The following CATSPERD variants were observed in gnomAD, a reference collection of about 807,000 sequenced individuals.
CATSPERD encodes catsper channel auxiliary subunit delta.
A neutral mutation model predicts 98.1 loss-of-function variants in CATSPERD; 86 were observed. The ratio of observed to expected loss-of-function variants is 0.88; its 90% CI spans 0.74 to 1.05. The LOEUF is 1.05. CATSPERD is among the 50% of genes least tolerant of loss of function. CATSPERD has a pLI of 0.00. For missense variants in CATSPERD, 995 were observed against 1,005.7 expected (o/e 0.99, Z 0.14); for synonymous variants, 394 against 390.2 (o/e 1.01, Z -0.12).
chr19:5,731,272 G>T (rs938650530), intron 4 of CATSPERD, among the ~76,000 whole-genome samples: 1 of 151,934 alleles, frequency 6.6e-6, no homozygotes, highest in African/African-American at 2.4e-5. Flanking sequence ...TTGACCCTAG[G>T]AGTTCAGGAC....
chr19:5,771,605 CTG>C (rs1357253502), intron 19 of CATSPERD, among the ~76,000 whole-genome samples: 3 of 147,438 alleles, frequency 2.0e-5, no homozygotes, highest in African/African-American at 7.6e-5. Flanking sequence ...TTTTTCCACT[CTG>C]TCACCCAGGC....
intron 7 of CATSPERD, among the ~76,000 whole-genome samples, chr19:5,743,920 T>G (rs568552788): frequency 1.8e-4 from 27 of 152,276 alleles, no homozygotes; most frequent in Admixed American, 5.9e-4. Context: ...TCATATCATT[T>G]TCTCCAAACA....
chr19:5,758,583 A>C (rs2056372124), intron 14 of CATSPERD, among the ~76,000 whole-genome samples: 1 of 150,878 alleles, frequency 6.6e-6, no homozygotes. Flanking sequence ...CAAAAAAAAA[A>C]AAAAAAAAAA....
intron 5 of CATSPERD, among the ~76,000 whole-genome samples, chr19:5,736,914 G>A (rs1438623431): frequency 6.6e-6 from 1 of 151,618 alleles, no homozygotes; most frequent in East Asian, 1.9e-4. Flanking sequence ...AAAATTAGCC[G>A]GGCGTGGTGG....
intron 12 of CATSPERD, among the ~76,000 whole-genome samples, chr19:5,752,749 C>T (rs1049212372): frequency 3.9e-5 from 6 of 151,998 alleles, no homozygotes; most frequent in Non-Finnish European, 7.4e-5. Context: ...AAAAGGGGGC[C>T]GGGCGTGGTG....
intron 6 of CATSPERD, among the ~76,000 whole-genome samples, chr19:5,737,866 A>G (rs952902456): frequency 4.6e-5 from 7 of 150,920 alleles, no homozygotes; most frequent in Non-Finnish European, 1.0e-4. Context: ...AAAAAAAAAG[A>G]AAAAAGATAA....
At position 5,768,291 on chromosome 19, in the gene CATSPERD, G is replaced by T. The variant is rs188022444; in HGVS notation, c.1634+49G>T. 1,359 of 1,435,958 alleles carry T rather than the reference G, an allele frequency of 9.5e-4. 11 individuals carry two copies. In the African/African-American group the frequency reaches 0.016, roughly 17 times the overall value. 89.0% of individuals were successfully genotyped at this position (1,435,958 alleles called of 1,614,324 possible). A position where few individuals can be genotyped will look rare whatever the true frequency, so the allele number is the denominator to read the frequency against. ...ACCTGACACCCAAGGCGACCATTGG[G>T]CCTGCAAAAGCCAAGAGCAAATTAG... On this transcript the variant is annotated intron_variant, in intron 18 of 21. Transcript: ENST00000381624.
chr19:5,726,840 T>G (rs2055613850), intron 2 of CATSPERD, among the ~76,000 whole-genome samples: 2 of 152,254 alleles, frequency 1.3e-5, no homozygotes, highest in South Asian at 4.1e-4. Flanking sequence ...AAAATGACAT[T>G]GGTACATTCC....
rs2056742272 is a variant in CATSPERD, at chr19:5,776,333, C to T, written c.2096+18C>T. 2 of 1,611,590 alleles carry T rather than the reference C, an allele frequency of 1.2e-6. No homozygotes were observed. The highest frequency in any genetic ancestry group is 1.1e-5 in the South Asian group (1 of 90,912). On this transcript the variant is annotated intron_variant, in intron 21 of 21. Transcript: ENST00000381624. The stretch of plus-strand genomic sequence containing the variant: ...TACTACAGGTGAGTGGGCCCATCTG[C>T]CCCTACGACAGGGGACGCCTGGTGC...
chr19:5,773,310 C>T (rs1227991102), intron 20 of CATSPERD, among the ~76,000 whole-genome samples: 2 of 152,244 alleles, frequency 1.3e-5, no homozygotes, highest in East Asian at 1.9e-4. Context: ...GCAAAAGACT[C>T]GAAGGTCCTT....
At position 5,745,915 on chromosome 19, in the gene CATSPERD, C is replaced by A; in HGVS notation, c.660C>A (p.Gly220=). The A allele has an allele frequency of 3.1e-6, 5 of 1,613,940 alleles. No homozygotes were observed. Among genetic ancestry groups the A allele is most frequent in the Non-Finnish European group, 4.2e-6 (5 of 1,179,920 alleles). Residue 220 remains glycine (G), a splice_region_variant and synonymous_variant, in exon 9 of 22, where the codon GGC becomes GGA. Transcript: ENST00000381624. ...VAMLVVNQGK[G]MFKYSDHPLN... is the part of the protein sequence containing the mutation. Reference sequence around the variant, plus strand: ...TGAATGGTGTCTTTTTCTCCCAGGGCATGTTCAAGTACTCAGATCACCCCC... The same window carrying A: ...TGAATGGTGTCTTTTTCTCCCAGGGAATGTTCAAGTACTCAGATCACCCCC...
chr19:5,772,507 G>T (rs1291672754), intron 19 of CATSPERD: 2 of 364,472 alleles, frequency 5.5e-6, no homozygotes, highest in Non-Finnish European at 5.0e-6. Flanking sequence ...GATTACGGGC[G>T]TGAGCCGCCG....
chr19:5,771,228 C>T (rs2056638637), intron 19 of CATSPERD, among the ~76,000 whole-genome samples, 156 bp downstream of exon 19: 1 of 152,218 alleles, frequency 6.6e-6, no homozygotes, highest in Admixed American at 6.5e-5. Flanking sequence ...GCCCCACTGG[C>T]CCCCAGGGCC....
At chr19:5,739,301 CT>C in intron 6 of CATSPERD, 24 bp from the exon 7 acceptor site, 1 of 1,250,678 alleles carries the variant, frequency 8.0e-7, no homozygotes, top group South Asian at 1.3e-5. Flanking sequence ...TTCTTTCATT[CT>C]TTCTTTCTTT....
At chr19:5,738,376 GA>G (rs375378188) in intron 6 of CATSPERD, among the ~76,000 whole-genome samples, 1 of 145,962 alleles carries the variant, frequency 6.9e-6, no homozygotes, top group Admixed American at 6.9e-5. Flanking sequence ...AAAAAGAAAA[GA>G]AAAAAATAGC....
chr19:5,758,817 G>A (rs2056377418), intron 14 of CATSPERD, among the ~76,000 whole-genome samples: 1 of 151,500 alleles, frequency 6.6e-6, no homozygotes, highest in Non-Finnish European at 1.5e-5. Flanking sequence ...CCAGCTACTT[G>A]GGAGGATGAG....
chr19:5,741,785 C>CCGGGGGG (rs939602468), intron 7 of CATSPERD, among the ~76,000 whole-genome samples: 1 of 6,116 alleles, frequency 1.6e-4, no homozygotes, highest in Non-Finnish European at 4.8e-4. Context: ...ATGCTGAAGG[C>CCGGGGGG]GGGGGGGGGG....
chr19:5,743,938 C>T (rs980891972), intron 7 of CATSPERD, among the ~76,000 whole-genome samples: 5 of 152,102 alleles, frequency 3.3e-5, no homozygotes, highest in Non-Finnish European at 5.9e-5. Flanking sequence ...ACACCCAAAC[C>T]AAAGCTGTCT....
At chr19:5,771,209 C>G in intron 19 of CATSPERD, 137 bp downstream of exon 19, 1 of 991,340 alleles carries the variant, frequency 1.0e-6, no homozygotes, top group Non-Finnish European at 1.5e-6. Context: ...CCACCGTGCT[C>G]CTGCCCCAGC....
Sources: allele counts gnomAD v4.1 joint callset (sites outside exome capture counted in the v4.1 genomes callset), GRCh38; gene constraint gnomAD v4.1.1; transcripts MANE v1.5; gene names NCBI Gene and HGNC (gene_info 2026-07-23, HGNC 2026-07-21).